Variants in DENND4A observed in about 807,000 individuals in gnomAD.
DENND4A encodes the protein DENN domain containing 4A, also known as C-myc promoter-binding protein.
DENND4A carries 70 observed loss-of-function variants against 199.3 expected under a neutral mutation model. The ratio of observed to expected loss-of-function variants is 0.35; its 90% CI spans 0.29 to 0.43. The LOEUF (loss-of-function observed/expected upper bound fraction) is 0.43. DENND4A is among the 20% of genes least tolerant of loss of function. DENND4A has a pLI of 1.00. For missense variants in DENND4A, 1,723 were observed against 2,255.8 expected (o/e 0.76, Z 4.78); for synonymous variants, 686 against 766.9 (o/e 0.89, Z 1.74).
chr15:65,731,721 A>C (rs1375934792), intron 8 of DENND4A, 21 bp from the exon 9 acceptor site: 1 of 1,509,152 alleles, frequency 6.6e-7, no homozygotes, highest in Non-Finnish European at 9.0e-7. Context: ...ATTTAAAATA[A>C]AGAATTTGAA....
Position 65,713,453 on chromosome 15 carries a change from T to G in DENND4A, c.1953+2025A>C, listed in dbSNP as rs143167894. Among the ~76,000 whole-genome samples the G allele has an allele frequency of 2.1e-3, 324 of 152,356 alleles. 7 individuals are homozygous for G. Among genetic ancestry groups the G allele is most frequent in the Non-Finnish European group, 3.1e-4 (21 of 68,038 alleles). ...TACAGATGATGTTCATTTTGATAAC[T>G]TGATTAAAACGGCATTTGCCAGGCT... On this transcript the variant is annotated intron_variant, in intron 14 of 32. Transcript: ENST00000443035.
chr15:65,737,512 C>G (rs1457697158), intron 7 of DENND4A, among the ~76,000 whole-genome samples, 195 bp downstream of exon 7: 6 of 152,082 alleles, frequency 3.9e-5, no homozygotes, highest in Admixed American at 3.9e-4. Context: ...TTTCATCTCA[C>G]TGGAGATAAA....
At chr15:65,675,399 C>A (rs192558164) in intron 24 of DENND4A, among the ~76,000 whole-genome samples, 3 of 152,006 alleles carry the variant, frequency 2.0e-5, no homozygotes, top group Non-Finnish European at 4.4e-5. Flanking sequence ...AACTCACAAT[C>A]CAGAAGCAAT....
At chr15:65,663,199 T>TA (rs36112677) in intron 32 of DENND4A, among the ~76,000 whole-genome samples, 17,339 of 100,102 alleles carry the variant, frequency 0.17, 797 homozygotes, top group East Asian at 0.52. Flanking sequence ...TATATATATA[T>TA]TTTTTTTTTT....
intron 27 of DENND4A, among the ~76,000 whole-genome samples, chr15:65,668,618 C>T (rs1223226562): frequency 1.3e-5 from 2 of 151,974 alleles, no homozygotes; most frequent in Non-Finnish European, 2.9e-5. Flanking sequence ...GTCAGGAGTT[C>T]GAGAGCAGCT....
intron 9 of DENND4A, chr15:65,731,277 TAAAA>T: frequency 9.5e-6 from 3 of 317,220 alleles, no homozygotes; most frequent in Non-Finnish European, 1.9e-5. Context: ...TTCTTTTGGG[TAAAA>T]TTTAAAATTA....
chr15:65,705,889 G>T, intron 15 of DENND4A: 1 of 588,998 alleles, frequency 1.7e-6, no homozygotes, highest in Non-Finnish European at 2.1e-6. Flanking sequence ...AGCTTCCCAA[G>T]TCTATATTAT....
intron 19 of DENND4A, 26 bp downstream of exon 19, chr15:65,701,025 A>G: frequency 6.4e-7 from 1 of 1,570,710 alleles, no homozygotes; most frequent in South Asian, 1.2e-5. Context: ...ATTTTGAAGA[A>G]CAAGTAAAAC....
At chr15:65,716,725 T>G (rs971295414) in intron 13 of DENND4A, among the ~76,000 whole-genome samples, 1 of 151,852 alleles carries the variant, frequency 6.6e-6, no homozygotes, top group Non-Finnish European at 1.5e-5. Context: ...TGTGTCTTTA[T>G]AGCAGCATGA....
intron 14 of DENND4A, among the ~76,000 whole-genome samples, chr15:65,708,556 A>G (rs2075136433): frequency 6.6e-6 from 1 of 152,264 alleles, no homozygotes; most frequent in South Asian, 2.1e-4. Flanking sequence ...TTATAAAAAT[A>G]GCCGTGCAAT....
Position 65,717,876 on chromosome 15 carries a change from A to G in DENND4A, c.1709T>C (p.Met570Thr). 1 of 1,605,176 alleles carries G rather than the reference A, an allele frequency of 6.2e-7. No individual in the cohort carries two copies. The highest frequency in any genetic ancestry group is 8.5e-7 in the Non-Finnish European group (1 of 1,175,202). ...LEIQEAFLFF[M>T]ASILKGYRSY... ...TCTGTAACCTTTTAAAATAGAGGCC[A>G]TGAAAAACAAAAATGCCTCTTGGAT... The change falls in exon 13 of 33, where the codon ATG becomes ACG. Residue 570 changes from methionine to threonine, a missense_variant. This residue lies in a region of DENND4A where 725 missense variants were observed against 952.9 expected (regional missense o/e 0.76). Transcript: ENST00000443035.
At chr15:65,788,650 G>C (rs975815682) in intron 1 of DENND4A, among the ~76,000 whole-genome samples, 1 of 151,866 alleles carries the variant, frequency 6.6e-6, no homozygotes, top group Non-Finnish European at 1.5e-5. Flanking sequence ...TTGGGCTCAC[G>C]AGTTCAAGAC....
At position 65,713,584 on chromosome 15, in the gene DENND4A, A is replaced by C. The variant is rs111652462; in HGVS notation, c.1953+1894T>G. ...CTGCTTCTCAGATGACTTTCAGTTGATTGATATCTGTGTACACTCATGGTT... is the reference window on the plus strand; with the variant it reads ...CTGCTTCTCAGATGACTTTCAGTTGCTTGATATCTGTGTACACTCATGGTT... On this transcript the variant is annotated intron_variant, in intron 14 of 32. Transcript: ENST00000443035. Among the ~76,000 whole-genome samples, 448 of 152,308 alleles carry C rather than the reference A, an allele frequency of 2.9e-3. 4 individuals are homozygous for C. Among genetic ancestry groups the C allele is most frequent in the African/African-American group, 0.01 (424 of 41,564 alleles).
chr15:65,717,984 G>T lies in DENND4A; in HGVS notation c.1601C>A (p.Pro534Gln). 1 of 1,599,392 alleles carries T rather than the reference G, an allele frequency of 6.3e-7. No homozygotes were observed. Among genetic ancestry groups the T allele is most frequent in the Non-Finnish European group, 8.5e-7 (1 of 1,172,224 alleles). ...HQQLAKLQQRPRDDGLMDLAI... is the reference protein window; with the variant it reads ...HQQLAKLQQRQRDDGLMDLAI... ...TAAATCCATGAGTCCATCATCTCTC[G>T]GTCTCTGCTGCACTGTGAAGACATA... The change falls in exon 13 of 33, where the codon CCG (proline) becomes CAG (glutamine). Residue 534 changes from proline to glutamine, a missense_variant. Transcript: ENST00000443035.
intron 1 of DENND4A, among the ~76,000 whole-genome samples, chr15:65,769,774 C>G (rs2077083248): frequency 6.6e-6 from 1 of 151,860 alleles, no homozygotes. Flanking sequence ...AAGAACAAAG[C>G]CACCCTATCC....
chr15:65,691,337 A>T lies in DENND4A; in HGVS notation c.3257T>A (p.Phe1086Tyr). 1 of 1,613,538 alleles carries T rather than the reference A, an allele frequency of 6.2e-7. No individual in the cohort carries two copies. Among genetic ancestry groups the T allele is most frequent in the South Asian group, 1.1e-5 (1 of 91,064 alleles). ...TTCCTGGTTAATTCTATTGAGCATAAATCCCATCAGTACCCCTCCACTAAG... is the reference window on the plus strand; with the variant it reads ...TTCCTGGTTAATTCTATTGAGCATATATCCCATCAGTACCCCTCCACTAAG... ...RNLSGGVLMG[F>Y]MLNRINQEAT... The change falls in exon 23 of 33, where the codon TTT (phenylalanine) becomes TAT (tyrosine). Residue 1086 changes from phenylalanine (F) to tyrosine (Y), a missense_variant. This residue lies in a region of DENND4A where 650 missense variants were observed against 738.1 expected (regional missense o/e 0.88). Transcript: ENST00000443035.
At chr15:65,785,807 T>C (rs980975774) in intron 1 of DENND4A, among the ~76,000 whole-genome samples, 1 of 152,128 alleles carries the variant, frequency 6.6e-6, no homozygotes, top group Non-Finnish European at 1.5e-5. Context: ...ATATATACTA[T>C]AGGACAAAAT....
chr15:65,756,549 C>CA, intron 2 of DENND4A, 77 bp from the exon 3 acceptor site: 4 of 970,148 alleles, frequency 4.1e-6, no homozygotes, highest in Non-Finnish European at 6.0e-6. Flanking sequence ...CAAATAAGAA[C>CA]AAAAAACTAC....
intron 4 of DENND4A, among the ~76,000 whole-genome samples, chr15:65,746,369 C>CTCTCTTTT (rs2076392238): frequency 1.2e-4 from 6 of 51,302 alleles, no homozygotes; most frequent in African/African-American, 4.2e-4. Context: ...ACTTTTTTCT[C>CTCTCTTTT]TTTTTTTTTT....
Sources: allele counts gnomAD v4.1 joint callset (sites outside exome capture counted in the v4.1 genomes callset), GRCh38; gene constraint gnomAD v4.1.1; regional missense constraint gnomAD v4.1.1; transcripts MANE v1.5; gene names NCBI Gene and HGNC (gene_info 2026-07-23, HGNC 2026-07-21).